Variants in HELB observed in about 807,000 individuals in gnomAD.
HELB encodes DNA 5'-3' helicase B.
HELB carries 96 observed loss-of-function variants against 101.7 expected under a neutral mutation model. The observed-to-expected ratio is 0.94, with a 90% CI of 0.80 to 1.12. The LOEUF is 1.12. Ranked by LOEUF, HELB falls within the 50% of genes most tolerant of loss-of-function variation. The probability of loss-of-function intolerance (pLI) is 0.00; values close to 1 mark genes in which losing one functional copy is unlikely to be tolerated. For synonymous variants in HELB, 437 were observed against 459.7 expected, an observed-to-expected ratio of 0.95 and a Z score of 0.63; for missense variants, 1,210 against 1,291.9, an observed-to-expected ratio of 0.94 and a Z score of 0.97.
chr12:66,318,893 A>G (rs1453945589), intron 7 of HELB, 101 bp downstream of exon 7: 3 of 858,378 alleles, frequency 3.5e-6, no homozygotes, highest in Admixed American at 3.1e-5. Context: ...AATGGTAAAG[A>G]GAAATATTGC....
At chr12:66,302,923 T>C (rs1592627185) in intron 1 of HELB, 133 bp downstream of exon 1, 1 of 675,742 alleles carries the variant, frequency 1.5e-6, no homozygotes, top group Non-Finnish European at 2.4e-6. Flanking sequence ...TGCTTCATCC[T>C]ACCAAGGGTA....
Position 66,324,044 on chromosome 12 carries a change from T to C in HELB, c.2359T>C (p.Tyr787His). 1 of 1,613,760 alleles carries C rather than the reference T, an allele frequency of 6.2e-7. No homozygotes were observed. Residue 787 changes from tyrosine to histidine, a missense_variant, in exon 10 of 13, where the codon TAC becomes CAC. This residue lies in a region of HELB where 740 missense variants were observed against 728.8 expected (regional missense o/e 1.02). Coordinates refer to ENST00000247815, the MANE Select transcript of HELB (RefSeq NM_001370285.1). Reference sequence around the variant, plus strand: ...TAAAATTTGTTGTACCAGGAATGCATACCTCTCAGACTTACTACCTGAAAA... The same window carrying C: ...TAAAATTTGTTGTACCAGGAATGCACACCTCTCAGACTTACTACCTGAAAA... ...GDKICCTRNA[Y>H]LSDLLPENIS...
intron 1 of HELB, 43 bp downstream of exon 1, chr12:66,302,833 A>C (rs766741579): frequency 9.2e-6 from 14 of 1,518,872 alleles, no homozygotes; most frequent in Non-Finnish European, 1.2e-5. Flanking sequence ...GGAGGGTCCA[A>C]AGTAGCGCTT....
chr12:66,304,273 A>AT (rs2053445178), intron 1 of HELB, among the ~76,000 whole-genome samples: 1 of 144,254 alleles, frequency 6.9e-6, no homozygotes, highest in African/African-American at 2.5e-5. Flanking sequence ...CATGAGATTC[A>AT]GGGAAGACTT....
At chr12:66,320,560 T>G (rs964713998) in intron 7 of HELB, among the ~76,000 whole-genome samples, 2 of 152,198 alleles carry the variant, frequency 1.3e-5, no homozygotes, top group Admixed American at 6.5e-5. Flanking sequence ...TAAAATATTG[T>G]TGGTTTTATT....
rs200763833 is a variant in HELB, at chr12:66,324,156, G to A, written c.2471G>A (p.Arg824His). The change falls in exon 10 of 13, where the codon CGT becomes CAT. Residue 824 changes from arginine (R) to histidine (H), a missense_variant. Physicochemically the swap from Arg to His is conservative, Grantham distance 29. This residue lies in a region of HELB where 740 missense variants were observed against 728.8 expected (regional missense o/e 1.02). Coordinates refer to ENST00000247815, the MANE Select transcript of HELB (RefSeq NM_001370285.1). ...GTLPDFAKNKRDFESNVRLCN... is the reference protein window; with the variant it reads ...GTLPDFAKNKHDFESNVRLCN... The stretch of plus-strand genomic sequence containing the variant: ...CTTCCTGATTTTGCTAAAAATAAGC[G>A]TGACTTTGAAAGTAACGTTCGACTG... 2.4e-5 allele frequency: 38 copies of A among 1,613,798 alleles called. No individual in the cohort carries two copies. Among genetic ancestry groups the A allele is most frequent in the African/African-American group, 1.2e-4 (9 of 75,008 alleles).
At chr12:66,317,707 T>C (rs1241439737) in intron 6 of HELB, among the ~76,000 whole-genome samples, 1 of 152,244 alleles carries the variant, frequency 6.6e-6, no homozygotes, top group Admixed American at 6.5e-5. Context: ...ATCCCTGCTA[T>C]ATACCAGGGA....
chr12:66,304,845 G>A lies in HELB; in HGVS notation c.302G>A (p.Ser101Asn), dbSNP rs997622110. ...VQVKPVVGSRSYQYQVQGFPS... is the reference protein window; with the variant it reads ...VQVKPVVGSRNYQYQVQGFPS... ...GTAAAGCCTGTGGTGGGATCAAGGA[G>A]CTATCAATATCAAGTTCAAGGATTT... The change falls in exon 2 of 13, where the codon AGC (serine) becomes AAC (asparagine). Residue 101 changes from serine to asparagine, a missense_variant. By Grantham distance (46) the Ser-to-Asn change is conservative. Coordinates refer to ENST00000247815, the MANE Select transcript of HELB (RefSeq NM_001370285.1). 4 of 1,614,138 alleles carry A rather than the reference G, an allele frequency of 2.5e-6. No homozygotes were observed. Among genetic ancestry groups the A allele is most frequent in the South Asian group, 1.1e-5 (1 of 91,076 alleles).
intron 4 of HELB, among the ~76,000 whole-genome samples, chr12:66,310,895 G>A (rs1027404939): frequency 8.5e-5 from 13 of 152,066 alleles, no homozygotes; most frequent in East Asian, 1.9e-4. Context: ...GCACCACTGC[G>A]CTCCAGCCTG....
intron 3 of HELB, among the ~76,000 whole-genome samples, chr12:66,308,337 G>A: frequency 6.6e-6 from 1 of 152,264 alleles, no homozygotes; most frequent in East Asian, 1.9e-4. Context: ...CTCCCGCCAT[G>A]TCAGGATCTG....
downstream of HELB, chr12:66,339,818 A>C (rs951047502): frequency 3.3e-5 from 5 of 152,178 alleles, no homozygotes; most frequent in African/African-American, 4.8e-5. Flanking sequence ...CCCCATCCCT[A>C]GGTAACCTGA....
chr12:66,315,402 T>C lies in HELB; in HGVS notation c.2000+19T>C. On this transcript the variant is annotated intron_variant, in intron 6 of 12. Transcript: ENST00000247815. The stretch of plus-strand genomic sequence containing the variant: ...CTACAAGGTATAATATTACTAAGAG[T>C]TTGCATTTTCTGTCTGTTGTATTAG... 1 of 1,484,622 alleles carries C rather than the reference T, an allele frequency of 6.7e-7. No individual in the cohort carries two copies. The highest frequency in any genetic ancestry group is 9.0e-7 in the Non-Finnish European group (1 of 1,113,006). The allele number at this position is 1,484,622 out of a possible 1,614,324, so 92.0% of individuals were successfully genotyped here.
rs372683245 is a variant in HELB, at chr12:66,331,167, A to G, written c.2684A>G (p.Gln895Arg). 3 of 1,606,134 alleles carry G rather than the reference A, an allele frequency of 1.9e-6. No individual in the cohort carries two copies. In the African/African-American group the frequency reaches 4.0e-5, roughly 22 times the overall value. Residue 895 changes from glutamine (Q) to arginine (R), a missense_variant, in exon 12 of 13, where the codon CAA becomes CGA. Transcript: ENST00000247815. ...TTTTCCTGCCAGGGGTCCGAGGAGC[A>G]AACAGTTGTCTATGTGGTGGGGAAG... ...TIHTFQGSEE[Q>R]TVVYVVGKAG...
chr12:66,304,934 C>T lies in HELB; in HGVS notation c.391C>T (p.Leu131Phe), dbSNP rs1377989101. The T allele has an allele frequency of 6.2e-7, 1 of 1,613,844 alleles. No individual in the cohort carries two copies. Among genetic ancestry groups the T allele is most frequent in the South Asian group, 1.1e-5 (1 of 91,086 alleles). Reference sequence around the variant, plus strand: ...TCAAAAACATATCTGTGCTCTCTTTCTTAAAGAGTGTGAGGTCTCCAGTGA... The same window carrying T: ...TCAAAAACATATCTGTGCTCTCTTTTTTAAAGAGTGTGAGGTCTCCAGTGA... Reference protein sequence around the residue: ...PNQKHICALFLKECEVSSDDV... With the variant: ...PNQKHICALFFKECEVSSDDV... Residue 131 changes from leucine to phenylalanine, a missense_variant, in exon 2 of 13, where the codon CTT becomes TTT. Physicochemically the swap from Leu to Phe is conservative, Grantham distance 22 (BLOSUM62 0). Around this residue, in one of 2 missense-constraint regions of HELB, gnomAD observed 470 missense variants for 563.1 expected, o/e 0.83. Transcript: ENST00000247815.
At chr12:66,318,857 T>C (rs374853717) in intron 7 of HELB, 65 bp downstream of exon 7, 2 of 1,238,986 alleles carry the variant, frequency 1.6e-6, no homozygotes, top group African/African-American at 3.1e-5. Flanking sequence ...AACATAGTTA[T>C]TAAATGACTA....
chr12:66,317,258 G>A (rs1315911260), intron 6 of HELB, among the ~76,000 whole-genome samples: 1 of 152,110 alleles, frequency 6.6e-6, no homozygotes, highest in East Asian at 1.9e-4. Flanking sequence ...GTGTTGGGCT[G>A]CATTTAAAGC....
intron 9 of HELB, 84 bp from the exon 10 acceptor site, chr12:66,323,899 C>T (rs775585732): frequency 3.4e-5 from 28 of 822,056 alleles, no homozygotes; most frequent in African/African-American, 5.2e-5. Context: ...AAAATTGAAA[C>T]GAGTCTGAGT....
downstream of HELB, chr12:66,341,590 T>G (rs886557271): frequency 6.6e-6 from 1 of 152,150 alleles, no homozygotes; most frequent in African/African-American, 2.4e-5. Flanking sequence ...TTTGCAAAAT[T>G]TTCCTCCCAT....
At chr12:66,326,368 G>A (rs936305650) in intron 11 of HELB, among the ~76,000 whole-genome samples, 11 of 151,812 alleles carry the variant, frequency 7.2e-5, no homozygotes, top group African/African-American at 2.4e-4. Flanking sequence ...TCAGCTTCCC[G>A]AGTAGCTGGG....
Sources: gnomAD v4.1 joint callset for allele counts (sites outside exome capture counted in the v4.1 genomes callset) on GRCh38, gnomAD v4.1.1 for gene constraint, gnomAD v4.1.1 regional missense constraint, MANE v1.5 for transcripts, NCBI Gene and HGNC (gene_info 2026-07-23, HGNC 2026-07-21) for gene names.